Variants in NTM observed in about 807,000 individuals in gnomAD.
The protein encoded by NTM is neurotrimin, also known as IgLON family member 2.
In NTM, 13 loss-of-function variants were observed where a neutral mutation model predicts 42.1. The observed-to-expected ratio is 0.31, with a 90% CI of 0.20 to 0.49. The LOEUF (loss-of-function observed/expected upper bound fraction) is 0.49. Among genes scored for constraint, NTM ranks in the 20% least tolerant of loss-of-function variants. The pLI is 0.99. For missense variants in NTM, 373 were observed against 452.8 expected, an observed-to-expected ratio of 0.82 and a Z score of 1.60; for synonymous variants, 187 against 179.2, an observed-to-expected ratio of 1.04 and a Z score of -0.35.
chr11:132,224,138 G>A (rs1011706556), intron 4 of NTM, among the ~76,000 whole-genome samples: 4 of 152,212 alleles, frequency 2.6e-5, no homozygotes, highest in Admixed American at 2.6e-4. Context: ...TCCACTTGAG[G>A]AGGATCCTCC....
intron 1 of NTM, among the ~76,000 whole-genome samples, chr11:131,533,443 G>A (rs1376489601): frequency 3.3e-5 from 5 of 152,150 alleles, no homozygotes; most frequent in Non-Finnish European, 4.4e-5. Flanking sequence ...TGGGGTAGAC[G>A]TCTCCATCAC....
intron 1 of NTM, among the ~76,000 whole-genome samples, chr11:131,779,119 C>T (rs2087592126): frequency 1.3e-5 from 2 of 152,162 alleles, no homozygotes; most frequent in African/African-American, 4.8e-5. Context: ...TGGGAGTGGC[C>T]CCAGCTGACA....
In NTM at chr11:132,034,990, T is replaced by G. The variant is rs535175382; in HGVS notation, c.168-111292T>G. ...GCATCTTGATTATTCAGTTTTAAACTTGTTTATGCTCATATTTCTGATGTT... is the reference window on the plus strand; with the variant it reads ...GCATCTTGATTATTCAGTTTTAAACGTGTTTATGCTCATATTTCTGATGTT... On this transcript the variant is annotated intron_variant, in intron 2 of 8. Transcript: ENST00000683400. Among the ~76,000 whole-genome samples the G allele has an allele frequency of 2.1e-3, 319 of 152,372 alleles. 2 individuals carry two copies. The highest frequency in any genetic ancestry group is 7.0e-3 in the South Asian group (34 of 4,828).
chr11:131,763,570 G>A (rs1345165902), intron 1 of NTM, among the ~76,000 whole-genome samples: 1 of 152,064 alleles, frequency 6.6e-6, no homozygotes, highest in Non-Finnish European at 1.5e-5. Context: ...CTTACTTTGT[G>A]TTTCGGGAGT....
At chr11:132,168,281 C>G (rs2075592840) in intron 3 of NTM, among the ~76,000 whole-genome samples, 1 of 152,216 alleles carries the variant, frequency 6.6e-6, no homozygotes, top group Admixed American at 6.5e-5. Flanking sequence ...CATTCTTTTC[C>G]TCTCATTTCT....
chr11:131,473,466 A>G (rs1222215637), intron 1 of NTM, among the ~76,000 whole-genome samples: 1 of 152,174 alleles, frequency 6.6e-6, no homozygotes, highest in African/African-American at 2.4e-5. Flanking sequence ...ATAGGGGCTC[A>G]ATTTTCCTCT....
At chr11:131,660,892 T>C (rs866848807) in intron 1 of NTM, 2 of 1,278,870 alleles carry the variant, frequency 1.6e-6, no homozygotes, top group Non-Finnish European at 2.0e-6. Context: ...TTGTGTGTAA[T>C]GTGATGCATG....
chr11:131,381,586 G>T (rs1565445700), intron 1 of NTM, among the ~76,000 whole-genome samples: 1 of 151,968 alleles, frequency 6.6e-6, no homozygotes, highest in African/African-American at 2.4e-5. Flanking sequence ...CTTGTCCAAG[G>T]TCAAATAATT....
chr11:131,879,189 T>C (rs1004050041), intron 1 of NTM, among the ~76,000 whole-genome samples: 1 of 152,174 alleles, frequency 6.6e-6, no homozygotes, highest in Non-Finnish European at 1.5e-5. Context: ...TCTCATTCTG[T>C]AAAATGACCT....
intron 1 of NTM, among the ~76,000 whole-genome samples, chr11:131,818,087 A>G (rs538444978): frequency 3.3e-5 from 5 of 152,326 alleles, no homozygotes; most frequent in East Asian, 1.9e-4. Flanking sequence ...CCAGTCATCA[A>G]CTAAAGGAGT....
chr11:132,029,637 C>T (rs533995323), intron 2 of NTM, among the ~76,000 whole-genome samples: 1 of 152,132 alleles, frequency 6.6e-6, no homozygotes, highest in African/African-American at 2.4e-5. Context: ...AAATTCAGTC[C>T]ACATAGTCCA....
intron 2 of NTM, among the ~76,000 whole-genome samples, chr11:131,932,761 C>T (rs762524653): frequency 3.3e-5 from 5 of 152,174 alleles, no homozygotes; most frequent in Non-Finnish European, 7.4e-5. Flanking sequence ...TTTCCAGATG[C>T]TGCTGAGCTG....
intron 1 of NTM, chr11:131,503,071 G>T (rs2047035127): frequency 6.6e-6 from 1 of 152,432 alleles, no homozygotes; most frequent in Non-Finnish European, 1.5e-5. Flanking sequence ...TCAGGGTCAG[G>T]GAGGCCTTGG....
chr11:131,980,521 T>C (rs1320712368), intron 2 of NTM, among the ~76,000 whole-genome samples: 2 of 152,244 alleles, frequency 1.3e-5, no homozygotes, highest in Non-Finnish European at 2.9e-5. Context: ...TGAATTTTCT[T>C]AAGGAATTCT....
chr11:132,059,270 C>A (rs2136006011), intron 2 of NTM, among the ~76,000 whole-genome samples: 1 of 152,290 alleles, frequency 6.6e-6, no homozygotes, highest in South Asian at 2.1e-4. Context: ...AGCAGCCCAA[C>A]AACCTGGATC....
At position 131,863,995 on chromosome 11, in the gene NTM, GTGTTGGCAGAATAAGAAATGGAA is replaced by G. The variant is rs559350852; in HGVS notation, c.83-47566_83-47544del. On this transcript the variant is annotated intron_variant, in intron 1 of 8. Coordinates refer to ENST00000683400, the MANE Select transcript of NTM (RefSeq NM_001352005.2). ...TGATGAATTTCCTTGTAGAAATGGA[GTGTTGGCAGAATAAGAAATGGAA>G]TGCATGGAGTGCCCAGCATAAGAAG... Among the ~76,000 whole-genome samples the G allele has an allele frequency of 4.2e-4, 64 of 152,292 alleles. No individual in the cohort carries two copies. In the South Asian group the frequency reaches 0.013, roughly 31 times the overall value.
At chr11:132,248,172 C>T (rs541441223) in intron 4 of NTM, among the ~76,000 whole-genome samples, 1 of 152,284 alleles carries the variant, frequency 6.6e-6, no homozygotes, top group East Asian at 1.9e-4. Context: ...GCCAGTGTCC[C>T]ATTCTCAGGG....
chr11:131,857,699 T>C (rs910052522), intron 1 of NTM, among the ~76,000 whole-genome samples: 1 of 152,186 alleles, frequency 6.6e-6, no homozygotes, highest in Non-Finnish European at 1.5e-5. Flanking sequence ...CACCGCAGAT[T>C]TGTACATCTT....
At chr11:131,518,774 G>A (rs1421575828) in intron 1 of NTM, among the ~76,000 whole-genome samples, 1 of 152,140 alleles carries the variant, frequency 6.6e-6, no homozygotes, top group Non-Finnish European at 1.5e-5. Context: ...ATGTGTATAA[G>A]CACCAGGCTT....
Sources: allele counts gnomAD v4.1 joint callset (sites outside exome capture counted in the v4.1 genomes callset), GRCh38; gene constraint gnomAD v4.1.1; transcripts MANE v1.5; gene names NCBI Gene and HGNC (gene_info 2026-07-23, HGNC 2026-07-21).